Variants in NRG3 observed in about 807,000 individuals in gnomAD.
The protein encoded by NRG3 is pro-neuregulin-3, membrane-bound isoform.
A neutral mutation model predicts 66.9 loss-of-function variants in NRG3; 31 were observed. The observed-to-expected ratio is 0.46, with a 90% CI of 0.35 to 0.63. The LOEUF (loss-of-function observed/expected upper bound fraction) is 0.63, where lower values mean the gene tolerates loss of function less well. Ranked by LOEUF, NRG3 falls within the 20% of genes least tolerant of loss-of-function variation. The probability of loss-of-function intolerance (pLI) is 0.00; values close to 1 mark genes in which losing one functional copy is unlikely to be tolerated. For missense variants in NRG3, 910 were observed against 878.9 expected (o/e 1.04, Z -0.45); for synonymous variants, 393 against 359.4 (o/e 1.09, Z -1.06).
intron 2 of NRG3, among the ~76,000 whole-genome samples, chr10:82,628,224 T>G (rs986541864): frequency 2.6e-5 from 4 of 152,238 alleles, no homozygotes; most frequent in Non-Finnish European, 5.9e-5. Flanking sequence ...TAATTTCATT[T>G]TATATATATT....
At chr10:82,104,812 C>T (rs2066962707) in intron 1 of NRG3, among the ~76,000 whole-genome samples, 1 of 152,152 alleles carries the variant, frequency 6.6e-6, no homozygotes, top group Non-Finnish European at 1.5e-5. Context: ...AATTTATACA[C>T]ATGTAAATTC....
intron 1 of NRG3, among the ~76,000 whole-genome samples, chr10:81,970,952 C>A (rs1438015840): frequency 6.6e-6 from 1 of 152,156 alleles, no homozygotes; most frequent in Non-Finnish European, 1.5e-5. Context: ...CCAGCCTGGC[C>A]AACATGGTGA....
chr10:82,831,114 T>C (rs1275247382), intron 3 of NRG3, among the ~76,000 whole-genome samples: 1 of 152,184 alleles, frequency 6.6e-6, no homozygotes, highest in African/African-American at 2.4e-5. Flanking sequence ...CTAACGTTGC[T>C]CTAAGACTTG....
At chr10:82,465,521 C>T (rs987543206) in intron 2 of NRG3, among the ~76,000 whole-genome samples, 2 of 152,284 alleles carry the variant, frequency 1.3e-5, no homozygotes, top group Admixed American at 6.5e-5. Context: ...GAAGTCTGTC[C>T]GGCTGTGTAC....
chr10:82,193,084 A>G (rs1026869811), intron 1 of NRG3, among the ~76,000 whole-genome samples: 5 of 152,136 alleles, frequency 3.3e-5, no homozygotes, highest in African/African-American at 9.7e-5. Flanking sequence ...GATATTTATT[A>G]TAAGTGCAAT....
chr10:82,330,791 G>T (rs541740017), intron 1 of NRG3, among the ~76,000 whole-genome samples: 1 of 152,066 alleles, frequency 6.6e-6, no homozygotes, highest in African/African-American at 2.4e-5. Context: ...ATACACTGAG[G>T]TTCTTAGCAT....
At chr10:81,878,660 C>T (rs560516577) in intron 1 of NRG3, among the ~76,000 whole-genome samples, 177 of 152,240 alleles carry the variant, frequency 1.2e-3, no homozygotes, top group Middle Eastern at 0.01. Context: ...TTCCCCAGCT[C>T]CTACCTCCAT....
At chr10:82,618,558 A>C (rs929477955) in intron 2 of NRG3, among the ~76,000 whole-genome samples, 1 of 152,192 alleles carries the variant, frequency 6.6e-6, no homozygotes, top group Non-Finnish European at 1.5e-5. Flanking sequence ...CATTAAGCAT[A>C]ATAACGTGCA....
intron 1 of NRG3, among the ~76,000 whole-genome samples, chr10:82,041,645 T>C (rs1483704209): frequency 6.6e-6 from 1 of 152,032 alleles, no homozygotes; most frequent in Non-Finnish European, 1.5e-5. Flanking sequence ...TCAAAATATC[T>C]GTAGGGGGCT....
chr10:82,029,732 T>C (rs2062476337), intron 1 of NRG3, among the ~76,000 whole-genome samples: 1 of 152,150 alleles, frequency 6.6e-6, no homozygotes, highest in African/African-American at 2.4e-5. Flanking sequence ...CTTTCTTACA[T>C]TGAGGGTTCC....
At chr10:82,679,830 T>C (rs999058658) in intron 2 of NRG3, among the ~76,000 whole-genome samples, 1 of 152,136 alleles carries the variant, frequency 6.6e-6, no homozygotes, top group Non-Finnish European at 1.5e-5. Flanking sequence ...ACCCAGGTAA[T>C]TAGTGTTCAG....
rs1324629596 is a variant in NRG3 at position 82,585,746 on chromosome 10, A to T, written c.954-152831A>T. On this transcript the variant is annotated intron_variant, in intron 2 of 8. Transcript: ENST00000372141. ...CTGTAAATTTAGCATAATGATAATT[A>T]TCTCTGCTCAGCCTCCTTCAAAGCA... 2.6e-5 allele frequency among the ~76,000 whole-genome samples: 4 copies of T among 152,202 alleles called. No individual in the cohort carries two copies. The East Asian group carries it at 7.7e-4, about 29-fold the overall frequency.
At chr10:82,021,078 C>G (rs2062036732) in intron 1 of NRG3, among the ~76,000 whole-genome samples, 1 of 151,990 alleles carries the variant, frequency 6.6e-6, no homozygotes. Context: ...AGGACACAGA[C>G]CAATGCCTTT....
intron 1 of NRG3, among the ~76,000 whole-genome samples, chr10:82,281,654 A>C (rs2079127966): frequency 6.6e-6 from 1 of 152,086 alleles, no homozygotes; most frequent in African/African-American, 2.4e-5. Flanking sequence ...AGTGAATCTA[A>C]ATTCCATTTT....
Position 82,830,036 on chromosome 10 carries a change from G to A in NRG3, c.1028-35375G>A, listed in dbSNP as rs1481118273. ...GAGCTGAGTTCCGTATCTTCTCATG[G>A]TGATCTTTGATCCAAGTTAAAGGCC... On this transcript the variant is annotated intron_variant, in intron 3 of 8. Transcript: ENST00000372141. Among the ~76,000 whole-genome samples, 3 of 152,098 alleles carry A rather than the reference G, an allele frequency of 2.0e-5. No individual in the cohort carries two copies. The East Asian group carries it at 5.8e-4, about 29-fold the overall frequency.
intron 2 of NRG3, among the ~76,000 whole-genome samples, chr10:82,681,238 G>A (rs891224771): frequency 1.3e-5 from 2 of 152,170 alleles, no homozygotes; most frequent in African/African-American, 4.8e-5. Flanking sequence ...CACTGCCACT[G>A]TTGACTGAAC....
At chr10:82,589,374 T>C (rs181614541) in intron 2 of NRG3, among the ~76,000 whole-genome samples, 1 of 152,246 alleles carries the variant, frequency 6.6e-6, no homozygotes, top group East Asian at 1.9e-4. Context: ...CAATTCAGAA[T>C]TGAGACATCT....
chr10:82,712,513 G>A (rs2256108), intron 2 of NRG3, among the ~76,000 whole-genome samples: 77,587 of 152,086 alleles, frequency 0.51, 21,365 homozygotes, highest in East Asian at 0.66. Flanking sequence ...CAACGCTTCC[G>A]AAGGAGTAAA....
At chr10:82,406,787 G>C (rs2136105469) in intron 2 of NRG3, among the ~76,000 whole-genome samples, 1 of 152,126 alleles carries the variant, frequency 6.6e-6, no homozygotes, top group East Asian at 1.9e-4. Flanking sequence ...TGTTGACTTA[G>C]AAACTAGGTC....
Sources: allele counts gnomAD v4.1 joint callset (sites outside exome capture counted in the v4.1 genomes callset), GRCh38; gene constraint gnomAD v4.1.1; transcripts MANE v1.5; gene names NCBI Gene and HGNC (gene_info 2026-07-23, HGNC 2026-07-21).